GRHL2: variants seen among roughly 807,000 people sequenced by gnomAD.
GRHL2 encodes grainyhead like transcription factor 2.
In GRHL2, 21 loss-of-function variants were observed where a neutral mutation model predicts 83.8. The observed-to-expected ratio is 0.25, with a 90% CI of 0.18 to 0.36. The LOEUF is 0.36. Among genes scored for constraint, GRHL2 ranks in the 10% least tolerant of loss-of-function variants. GRHL2 has a pLI of 1.00. For missense variants in GRHL2, 623 were observed against 781.8 expected (o/e 0.80, Z 2.42); for synonymous variants, 280 against 278.9 (o/e 1.00, Z -0.04).
chr8:101,494,904 C>A (rs372499628), intron 1 of GRHL2, among the ~76,000 whole-genome samples: 1 of 152,102 alleles, frequency 6.6e-6, no homozygotes, highest in South Asian at 2.1e-4. Context: ...GTTTCCAAGA[C>A]GAAATTTTGT....
intron 14 of GRHL2, among the ~76,000 whole-genome samples, chr8:101,652,411 T>G (rs1280837546): frequency 1.1e-5 from 1 of 92,108 alleles, no homozygotes; most frequent in Non-Finnish European, 2.0e-5. Flanking sequence ...GGTGTGTGTG[T>G]GGTGTGTGTG....
intron 8 of GRHL2, among the ~76,000 whole-genome samples, chr8:101,618,079 A>G (rs1015463065): frequency 6.6e-6 from 1 of 152,318 alleles, no homozygotes; most frequent in Non-Finnish European, 1.5e-5. Context: ...CCAAGAGTAT[A>G]ATATAGTGTG....
intron 7 of GRHL2, among the ~76,000 whole-genome samples, chr8:101,587,123 T>C (rs1225764313): frequency 1.3e-5 from 2 of 152,216 alleles, no homozygotes; most frequent in Non-Finnish European, 2.9e-5. Flanking sequence ...TAGGTAGATG[T>C]GGAATTAAAA....
chr8:101,514,105 C>CTA (rs978615491), intron 1 of GRHL2, among the ~76,000 whole-genome samples: 1 of 152,124 alleles, frequency 6.6e-6, no homozygotes, highest in African/African-American at 2.4e-5. Flanking sequence ...ACCTCTCCTG[C>CTA]TATTCTCTTC....
At chr8:101,492,825 TACC>T in intron 1 of GRHL2, 36 bp downstream of exon 1, 2 of 1,606,270 alleles carry the variant, frequency 1.2e-6, no homozygotes, top group African/African-American at 1.3e-5. Context: ...CTGCTACTAC[TACC>T]ACTTTGGGCT....
intron 1 of GRHL2, among the ~76,000 whole-genome samples, chr8:101,521,810 T>C (rs1563562365): frequency 6.6e-6 from 1 of 152,258 alleles, no homozygotes; most frequent in Non-Finnish European, 1.5e-5. Flanking sequence ...AATTTTTTGT[T>C]AGCTTTTAGA....
At position 101,606,038 on chromosome 8, in the gene GRHL2, A is replaced by T. The variant is rs573475395; in HGVS notation, c.1098+6887A>T. Among the ~76,000 whole-genome samples, 28 of 152,340 alleles carry T rather than the reference A, an allele frequency of 1.8e-4. No homozygotes were observed. The South Asian group carries it at 3.1e-3, about 17-fold the overall frequency. ...TGTTCTTTTTTTGAAAAACCATGCA[A>T]GAAGCACAGCACTGAGAAATTTCCA... On this transcript the variant is annotated intron_variant, in intron 8 of 15. Coordinates refer to ENST00000646743, the MANE Select transcript of GRHL2 (RefSeq NM_024915.4).
chr8:101,635,508 A>G (rs908507373), intron 11 of GRHL2, among the ~76,000 whole-genome samples: 1 of 152,230 alleles, frequency 6.6e-6, no homozygotes, highest in Admixed American at 6.5e-5. Flanking sequence ...TAGATACACT[A>G]TGCCATGTTT....
Position 101,519,269 on chromosome 8 carries a change from C to T in GRHL2, c.21-23972C>T, listed in dbSNP as rs146554344. ...AACTCCTGGCCTCAAGTAATCCTCC[C>T]GCCTTGGCTTCCCAAAAGTGCTGGA... On this transcript the variant is annotated intron_variant, in intron 1 of 15. Coordinates refer to ENST00000646743, the MANE Select transcript of GRHL2 (RefSeq NM_024915.4). Among the ~76,000 whole-genome samples, 916 of 152,034 alleles carry T rather than the reference C, an allele frequency of 6.0e-3. 13 individuals carry two copies. The highest frequency in any genetic ancestry group is 0.02 in the African/African-American group (848 of 41,432).
rs375155104 is a variant in GRHL2, at chr8:101,651,243, T to C, written c.1698+1744T>C. Among the ~76,000 whole-genome samples the C allele has an allele frequency of 3.9e-5, 6 of 152,304 alleles. No homozygotes were observed. In the East Asian group the frequency reaches 7.7e-4, roughly 20 times the overall value. On this transcript the variant is annotated intron_variant, in intron 14 of 15. Coordinates refer to ENST00000646743, the MANE Select transcript of GRHL2 (RefSeq NM_024915.4). ...CATACTCCAATCTGGCCTTTAAGACTATATTACCAAAACTGACTTAATGGG... is the reference window on the plus strand; with the variant it reads ...CATACTCCAATCTGGCCTTTAAGACCATATTACCAAAACTGACTTAATGGG...
At chr8:101,496,135 G>C (rs892521227) in intron 1 of GRHL2, among the ~76,000 whole-genome samples, 1 of 131,330 alleles carries the variant, frequency 7.6e-6, no homozygotes. Context: ...GTGACAGTGC[G>C]AGACTCCATC....
intron 1 of GRHL2, among the ~76,000 whole-genome samples, chr8:101,518,070 T>A (rs1295013113): frequency 6.6e-6 from 1 of 152,210 alleles, no homozygotes; most frequent in Non-Finnish European, 1.5e-5. Context: ...AGCTCACCCT[T>A]CTGATCTGAG....
At chr8:101,608,395 C>T (rs1269845919) in intron 8 of GRHL2, among the ~76,000 whole-genome samples, 1 of 152,148 alleles carries the variant, frequency 6.6e-6, no homozygotes, top group African/African-American at 2.4e-5. Flanking sequence ...GCTGCGCACC[C>T]ACTGCATATC....
chr8:101,577,578 C>A, intron 7 of GRHL2, 59 bp downstream of exon 7: 1 of 1,120,546 alleles, frequency 8.9e-7, no homozygotes, highest in Non-Finnish European at 1.3e-6. Context: ...TGTCTCAATG[C>A]CAAGGGGAGC....
rs1813728457 is a variant in GRHL2, at chr8:101,653,866, C to A, written c.1698+4367C>A. 2.0e-5 allele frequency among the ~76,000 whole-genome samples: 3 copies of A among 152,238 alleles called. No individual in the cohort carries two copies. The South Asian group carries it at 6.2e-4, about 32-fold the overall frequency. ...CAAGCTTCCTGGTTGAATTGAAGCC[C>A]ATTAATGTGAGAGCCACTAGCTGGT... On this transcript the variant is annotated intron_variant, in intron 14 of 15. Transcript: ENST00000646743.
chr8:101,674,596 C>T (rs143633154), downstream of GRHL2, among the ~76,000 whole-genome samples: 7,881 of 152,178 alleles, frequency 0.052, 237 homozygotes, highest in Middle Eastern at 0.14. Context: ...AGTCCAGGAC[C>T]AGATGGATTC....
At chr8:101,548,099 T>C (rs1391496612) in intron 2 of GRHL2, among the ~76,000 whole-genome samples, 4 of 152,266 alleles carry the variant, frequency 2.6e-5, no homozygotes, top group Non-Finnish European at 1.5e-5. Flanking sequence ...TGACCAGTAC[T>C]GCTGGAAACC....
In GRHL2 at chr8:101,667,370, T is replaced by G. The variant is rs1457737771; in HGVS notation, c.*667T>G. The G allele has an allele frequency of 6.5e-6, 1 of 154,300 alleles. No homozygotes were observed. The highest frequency in any genetic ancestry group is 1.4e-5 in the Non-Finnish European group (1 of 69,114). The allele number at this position is 154,300 out of a possible 1,614,324, so 9.6% of individuals were successfully genotyped here. ...TGTTTATAATATTGTAATAATATATTTTACCTGTGGTATGTGGGCATGTTT... is the reference window on the plus strand; with the variant it reads ...TGTTTATAATATTGTAATAATATATGTTACCTGTGGTATGTGGGCATGTTT... On this transcript the variant is annotated 3_prime_UTR_variant, in exon 16 of 16. Transcript: ENST00000646743.
At chr8:101,513,098 T>G (rs998455370) in intron 1 of GRHL2, among the ~76,000 whole-genome samples, 9 of 152,326 alleles carry the variant, frequency 5.9e-5, no homozygotes, top group Admixed American at 3.3e-4. Flanking sequence ...GTGATATCAA[T>G]CAATAAATTT....
Sources: gnomAD v4.1 joint callset for allele counts (sites outside exome capture counted in the v4.1 genomes callset) on GRCh38, gnomAD v4.1.1 for gene constraint, MANE v1.5 for transcripts, NCBI Gene and HGNC (gene_info 2026-07-23, HGNC 2026-07-21) for gene names.